Variants in PAPPA2 observed in about 807,000 individuals in gnomAD.
PAPPA2 encodes pappalysin 2, also known as pappalysin-2.
PAPPA2 carries 86 observed loss-of-function variants against 176.4 expected under a neutral mutation model. That is an observed-to-expected ratio of 0.49 (90% confidence interval 0.41 to 0.58). The LOEUF (loss-of-function observed/expected upper bound fraction) is 0.58. Ranked by LOEUF, PAPPA2 falls within the 20% of genes least tolerant of loss-of-function variation. The probability of loss-of-function intolerance (pLI) is 0.00; values close to 1 mark genes in which losing one functional copy is unlikely to be tolerated. For missense variants in PAPPA2, 2,073 were observed against 2,256.9 expected, an observed-to-expected ratio of 0.92 and a Z score of 1.65; for synonymous variants, 809 against 852.2, an observed-to-expected ratio of 0.95 and a Z score of 0.88.
chr1:176,576,185 C>G (rs979579038), intron 2 of PAPPA2, among the ~76,000 whole-genome samples: 5 of 152,274 alleles, frequency 3.3e-5, no homozygotes, highest in African/African-American at 1.2e-4. Flanking sequence ...CTAACTCTCT[C>G]TCACTCCAGC....
At chr1:176,506,831 A>G (rs1372366815) in intron 1 of PAPPA2, among the ~76,000 whole-genome samples, 1 of 152,162 alleles carries the variant, frequency 6.6e-6, no homozygotes, top group East Asian at 1.9e-4. Context: ...ACCTCAAACT[A>G]TAAAAATCCT....
intron 14 of PAPPA2, among the ~76,000 whole-genome samples, 173 bp from the exon 15 acceptor site, chr1:176,765,493 A>G (rs571062196): frequency 3.3e-5 from 5 of 152,294 alleles, no homozygotes; most frequent in African/African-American, 9.6e-5. Flanking sequence ...TTTTATGTCT[A>G]TTATGCTGCA....
intron 1 of PAPPA2, among the ~76,000 whole-genome samples, chr1:176,491,345 G>A (rs1647281082): frequency 6.6e-6 from 1 of 152,196 alleles, no homozygotes; most frequent in South Asian, 2.1e-4. Flanking sequence ...GTTTCATTTG[G>A]AGAGGAGTTG....
At chr1:176,558,383 G>C (rs1168501506) in intron 2 of PAPPA2, among the ~76,000 whole-genome samples, 1 of 152,214 alleles carries the variant, frequency 6.6e-6, no homozygotes, top group Non-Finnish European at 1.5e-5. Context: ...CTGGATGCCT[G>C]CAAAGTTTCA....
chr1:176,627,475 T>A (rs1401999467), intron 3 of PAPPA2, among the ~76,000 whole-genome samples: 1 of 152,210 alleles, frequency 6.6e-6, no homozygotes, highest in African/African-American at 2.4e-5. Context: ...GTCTCTTAGT[T>A]CCTGGTCGAA....
intron 12 of PAPPA2, among the ~76,000 whole-genome samples, chr1:176,732,919 A>G (rs2102864713): frequency 6.6e-6 from 1 of 152,294 alleles, no homozygotes; most frequent in South Asian, 2.1e-4. Context: ...ACACAGCAGG[A>G]GGTGAGAATT....
chr1:176,745,492 G>T (rs906012396), intron 14 of PAPPA2, among the ~76,000 whole-genome samples: 1 of 152,118 alleles, frequency 6.6e-6, no homozygotes, highest in Non-Finnish European at 1.5e-5. Flanking sequence ...TTGTGAATCT[G>T]TCTTGTACTA....
intron 3 of PAPPA2, among the ~76,000 whole-genome samples, chr1:176,617,015 C>T (rs1233130814): frequency 1.3e-5 from 2 of 152,170 alleles, no homozygotes; most frequent in Non-Finnish European, 2.9e-5. Flanking sequence ...GAAGTGCACT[C>T]AGGTTTACCC....
At chr1:176,725,263 C>T (rs1473133760) in intron 12 of PAPPA2, among the ~76,000 whole-genome samples, 1 of 152,124 alleles carries the variant, frequency 6.6e-6, no homozygotes, top group Non-Finnish European at 1.5e-5. Context: ...TCTTAGCTCA[C>T]AGGCTGTACA....
At chr1:176,495,232 CTT>C (rs1647536620) in intron 1 of PAPPA2, among the ~76,000 whole-genome samples, 1 of 152,124 alleles carries the variant, frequency 6.6e-6, no homozygotes, top group Non-Finnish European at 1.5e-5. Context: ...TAGGTTTACT[CTT>C]TTATAAATCA....
intron 4 of PAPPA2, among the ~76,000 whole-genome samples, chr1:176,678,198 C>T (rs1016478091): frequency 6.6e-6 from 1 of 152,052 alleles, no homozygotes; most frequent in Non-Finnish European, 1.5e-5. Context: ...CTTTTTCTCT[C>T]GTACCTGTGA....
chr1:176,679,360 A>C (rs564771092), intron 4 of PAPPA2, among the ~76,000 whole-genome samples: 1 of 152,240 alleles, frequency 6.6e-6, no homozygotes, highest in South Asian at 2.1e-4. Context: ...GTTTCCAACT[A>C]CTTAACAGGT....
intron 15 of PAPPA2, among the ~76,000 whole-genome samples, chr1:176,767,229 A>G (rs1571297359): frequency 6.6e-6 from 1 of 152,380 alleles, no homozygotes; most frequent in East Asian, 1.9e-4. Flanking sequence ...AGAAGGGGAG[A>G]GAAGAAAAGA....
intron 14 of PAPPA2, among the ~76,000 whole-genome samples, chr1:176,746,058 G>C (rs182637658): frequency 1.2e-4 from 19 of 152,300 alleles, no homozygotes; most frequent in Non-Finnish European, 2.5e-4. Flanking sequence ...GAGTGTCCCT[G>C]AAACTCACTA....
In PAPPA2 at chr1:176,534,469, C is replaced by G. The variant is rs554076153; in HGVS notation, c.-916-20938C>G. 5.3e-5 allele frequency among the ~76,000 whole-genome samples: 8 copies of G among 152,246 alleles called. No individual in the cohort carries two copies. In the East Asian group the frequency reaches 1.5e-3, roughly 29 times the overall value. On this transcript the variant is annotated intron_variant, in intron 1 of 22. Transcript: ENST00000367662. Reference sequence around the variant, plus strand: ...GAAGAGCAATTCTGGCTGCCTAGAACAGGAAAAGAATGTATTGTAAGGATC... The same window carrying G: ...GAAGAGCAATTCTGGCTGCCTAGAAGAGGAAAAGAATGTATTGTAAGGATC...
At chr1:176,837,975 A>G (rs1667339623) in intron 21 of PAPPA2, among the ~76,000 whole-genome samples, 1 of 152,164 alleles carries the variant, frequency 6.6e-6, no homozygotes, top group Non-Finnish European at 1.5e-5. Context: ...AATTAATTCT[A>G]ATAGGTATAT....
chr1:176,694,754 G>A (rs552016508), intron 6 of PAPPA2, among the ~76,000 whole-genome samples: 30 of 152,258 alleles, frequency 2.0e-4, no homozygotes, highest in Admixed American at 4.6e-4. Context: ...TATTAATCAC[G>A]TCATGGATAT....
At position 176,739,553 on chromosome 1, in the gene PAPPA2, T is replaced by C; in HGVS notation, c.3799-73T>C. ...TAAATAGTGAGCTCTCTAAGAAGAA[T>C]AAAAATTGTATAGCACATGTCTTGA... On this transcript the variant is annotated intron_variant, in intron 12 of 22. Transcript: ENST00000367662. The C allele has an allele frequency of 2.0e-6, 3 of 1,476,440 alleles. No homozygotes were observed. The South Asian group carries it at 4.1e-5, about 20-fold the overall frequency. 91.5% of individuals were successfully genotyped at this position (1,476,440 alleles called of 1,614,324 possible).
At chr1:176,815,874 T>C (rs1358594524) in intron 21 of PAPPA2, among the ~76,000 whole-genome samples, 1 of 152,060 alleles carries the variant, frequency 6.6e-6, no homozygotes, top group East Asian at 1.9e-4. Flanking sequence ...TCAGTGAATC[T>C]GCATTTTTAC....
Sources: gnomAD v4.1 joint callset for allele counts (sites outside exome capture counted in the v4.1 genomes callset) on GRCh38, gnomAD v4.1.1 for gene constraint, MANE v1.5 for transcripts, NCBI Gene and HGNC (gene_info 2026-07-23, HGNC 2026-07-21) for gene names.